Variants in MACROD2 observed in about 807,000 individuals in gnomAD.
MACROD2 encodes ADP-ribose glycohydrolase MACROD2.
MACROD2 carries 36 observed loss-of-function variants against 70.4 expected under a neutral mutation model. The ratio of observed to expected loss-of-function variants is 0.51; its 90% CI spans 0.39 to 0.68. MACROD2 has a LOEUF of 0.68. Ranked by LOEUF, MACROD2 falls within the 30% of genes least tolerant of loss-of-function variation. MACROD2 has a pLI of 0.00. For synonymous variants in MACROD2, 172 were observed against 178.8 expected (o/e 0.96, Z 0.30); for missense variants, 496 against 538.4 (o/e 0.92, Z 0.78).
intron 3 of MACROD2, among the ~76,000 whole-genome samples, chr20:14,401,688 G>A (rs1454256282): frequency 6.6e-6 from 1 of 152,060 alleles, no homozygotes; most frequent in East Asian, 1.9e-4. Context: ...ACTGATGGAT[G>A]TCATTGTGAA....
chr20:14,215,337 T>TACACACACAC lies in MACROD2; in HGVS notation c.271+129644_271+129653dup, dbSNP rs199684417. On this transcript the variant is annotated intron_variant, in intron 3 of 17. Transcript: ENST00000684519. ...TCATATATATCTATGCCATCATATA[T>TACACACACAC]ACACACACACACACACACACACACA... 8.3e-3 allele frequency among the ~76,000 whole-genome samples: 1,087 copies of TACACACACAC among 131,066 alleles called. 2 individuals are homozygous for TACACACACAC. Among genetic ancestry groups the TACACACACAC allele is most frequent in the South Asian group, 0.012 (46 of 3,854 alleles). 86.0% of individuals were successfully genotyped at this position (131,066 alleles called of 152,430 possible). A position where few individuals can be genotyped will look rare whatever the true frequency, so the allele number is the denominator to read the frequency against.
At chr20:14,380,763 A>G (rs1211316796) in intron 3 of MACROD2, among the ~76,000 whole-genome samples, 2 of 152,114 alleles carry the variant, frequency 1.3e-5, no homozygotes, top group African/African-American at 4.8e-5. Flanking sequence ...TCATTTGCTT[A>G]TATGTCTGTC....
In MACROD2 at chr20:15,978,526, C is replaced by T. The variant is rs547107063; in HGVS notation, c.986-8201C>T. ...CATTTTGTAAGTTCAGGGCTGCCTCCGCTGACTGTGGTGGAGCAGCCCAGC... is the reference window on the plus strand; with the variant it reads ...CATTTTGTAAGTTCAGGGCTGCCTCTGCTGACTGTGGTGGAGCAGCCCAGC... On this transcript the variant is annotated intron_variant, in intron 13 of 17. Coordinates refer to ENST00000684519, the MANE Select transcript of MACROD2 (RefSeq NM_001351661.2). 5.9e-5 allele frequency among the ~76,000 whole-genome samples: 9 copies of T among 152,158 alleles called. No homozygotes were observed. In the East Asian group the frequency reaches 1.5e-3, roughly 26 times the overall value.
At position 14,440,805 on chromosome 20, in the gene MACROD2, C is replaced by T. The variant is rs149994269; in HGVS notation, c.272-52674C>T. Among the ~76,000 whole-genome samples, 621 of 152,186 alleles carry T rather than the reference C, an allele frequency of 4.1e-3. 1 individual carries two copies. Among genetic ancestry groups the T allele is most frequent in the Non-Finnish European group, 6.2e-3 (422 of 68,000 alleles). Reference sequence around the variant, plus strand: ...GCCTCCCTTAGGTAGCTAGGGAGCCCGGGGCATGAGTAGAGGACCACATTC... The same window carrying T: ...GCCTCCCTTAGGTAGCTAGGGAGCCTGGGGCATGAGTAGAGGACCACATTC... On this transcript the variant is annotated intron_variant, in intron 3 of 17. Transcript: ENST00000684519.
At chr20:14,609,466 T>A (rs1983022186) in intron 4 of MACROD2, among the ~76,000 whole-genome samples, 1 of 152,100 alleles carries the variant, frequency 6.6e-6, no homozygotes, top group South Asian at 2.1e-4. Flanking sequence ...GGGAAGTACT[T>A]AAAGGTCACT....
At chr20:15,341,743 A>G (rs1401117067) in intron 6 of MACROD2, among the ~76,000 whole-genome samples, 1 of 152,224 alleles carries the variant, frequency 6.6e-6, no homozygotes, top group Non-Finnish European at 1.5e-5. Context: ...AAGTAAAAGT[A>G]GATACATTTA....
intron 5 of MACROD2, among the ~76,000 whole-genome samples, chr20:14,775,240 C>T (rs150849458): frequency 3.9e-4 from 60 of 152,148 alleles, no homozygotes; most frequent in African/African-American, 1.0e-3. Context: ...TATTAGCTAA[C>T]GCGGTGGGCT....
chr20:14,464,713 C>T (rs36134325), intron 3 of MACROD2, among the ~76,000 whole-genome samples: 22,692 of 151,724 alleles, frequency 0.15, 2,411 homozygotes, highest in Non-Finnish European at 0.21. Context: ...TGAATGTGTC[C>T]CAGAGATTCT....
At chr20:15,463,253 G>A (rs746055929) in intron 7 of MACROD2, among the ~76,000 whole-genome samples, 7 of 152,194 alleles carry the variant, frequency 4.6e-5, no homozygotes, top group Non-Finnish European at 7.3e-5. Context: ...AAAGGATTCT[G>A]AGAGCTAGTT....
intron 8 of MACROD2, among the ~76,000 whole-genome samples, chr20:15,665,560 T>C (rs146155763): frequency 3.0e-4 from 45 of 152,248 alleles, no homozygotes; most frequent in Admixed American, 7.8e-4. Context: ...AACTAATCAA[T>C]TGAGTTTCAC....
At chr20:15,079,328 C>T (rs149024768) in intron 5 of MACROD2, among the ~76,000 whole-genome samples, 65 of 152,188 alleles carry the variant, frequency 4.3e-4, no homozygotes, top group African/African-American at 1.5e-3. Flanking sequence ...CATCCATCAC[C>T]TAAGCCCCCC....
At chr20:14,930,910 G>A (rs1247979296) in intron 5 of MACROD2, among the ~76,000 whole-genome samples, 2 of 145,278 alleles carry the variant, frequency 1.4e-5, no homozygotes, top group Non-Finnish European at 3.0e-5. Context: ...CACATCTGTA[G>A]TCCTAGCTTC....
At chr20:15,478,656 C>A (rs2047055064) in intron 7 of MACROD2, among the ~76,000 whole-genome samples, 2 of 152,076 alleles carry the variant, frequency 1.3e-5, no homozygotes, top group African/African-American at 4.8e-5. Context: ...GCACCCAAAT[C>A]TGGGAAAAAC....
chr20:14,279,683 C>T (rs2082289731), intron 3 of MACROD2, among the ~76,000 whole-genome samples: 1 of 152,102 alleles, frequency 6.6e-6, no homozygotes, highest in African/African-American at 2.4e-5. Flanking sequence ...CTTCATGATA[C>T]TCTAATACTG....
intron 4 of MACROD2, among the ~76,000 whole-genome samples, chr20:14,523,114 C>A (rs1400829969): frequency 1.3e-5 from 2 of 152,080 alleles, no homozygotes; most frequent in African/African-American, 4.8e-5. Context: ...CATAGATGAT[C>A]TTCCATTAAA....
chr20:15,752,013 C>T (rs1197258220), intron 8 of MACROD2, among the ~76,000 whole-genome samples: 1 of 151,858 alleles, frequency 6.6e-6, no homozygotes, highest in African/African-American at 2.4e-5. Flanking sequence ...TCCCACAGTT[C>T]TAGAACTCGG....
chr20:15,590,201 C>G (rs936101090), intron 8 of MACROD2, among the ~76,000 whole-genome samples: 1 of 152,146 alleles, frequency 6.6e-6, no homozygotes. Flanking sequence ...TTTGTTTACA[C>G]CTAGTGTTGT....
chr20:15,351,037 A>G (rs912337286), intron 6 of MACROD2, among the ~76,000 whole-genome samples: 1 of 146,734 alleles, frequency 6.8e-6, no homozygotes, highest in Non-Finnish European at 1.5e-5. Flanking sequence ...CTTCTTGTAA[A>G]TATTATTATG....
intron 5 of MACROD2, among the ~76,000 whole-genome samples, chr20:15,037,080 G>C (rs2075319144): frequency 6.6e-6 from 1 of 152,062 alleles, no homozygotes; most frequent in South Asian, 2.1e-4. Flanking sequence ...GCTTATCTGT[G>C]GTTTGAGTAG....
Sources: allele counts gnomAD v4.1 joint callset (sites outside exome capture counted in the v4.1 genomes callset), GRCh38; gene constraint gnomAD v4.1.1; transcripts MANE v1.5; gene names NCBI Gene and HGNC (gene_info 2026-07-23, HGNC 2026-07-21).